The following PCDH15 variants were observed in gnomAD, a reference collection of about 807,000 sequenced individuals.
PCDH15 encodes protocadherin-15.
PCDH15 carries 129 observed loss-of-function variants against 178.5 expected under a neutral mutation model. That is an observed-to-expected ratio of 0.72 (90% CI 0.63 to 0.84). The LOEUF is 0.84. PCDH15 is among the 40% of genes least tolerant of loss of function. PCDH15 has a pLI of 0.00. For synonymous variants in PCDH15, 800 were observed against 732.0 expected, an observed-to-expected ratio of 1.09 and a Z score of -1.50; for missense variants, 2,230 against 2,099.9, an observed-to-expected ratio of 1.06 and a Z score of -1.21.
At chr10:55,163,178 T>A (rs1179597568) in intron 2 of PCDH15, among the ~76,000 whole-genome samples, 1 of 152,108 alleles carries the variant, frequency 6.6e-6, no homozygotes, top group Non-Finnish European at 1.5e-5. Flanking sequence ...GAGGCTGATC[T>A]GAGTAGTAAT....
At chr10:54,166,772 G>A (rs2046275462) in intron 13 of PCDH15, among the ~76,000 whole-genome samples, 1 of 152,126 alleles carries the variant, frequency 6.6e-6, no homozygotes, top group Admixed American at 6.6e-5. Flanking sequence ...CACAAAAGAA[G>A]TGAATATGCC....
At chr10:54,819,454 AT>A (rs981706835) in intron 3 of PCDH15, among the ~76,000 whole-genome samples, 7 of 151,754 alleles carry the variant, frequency 4.6e-5, no homozygotes, top group East Asian at 1.9e-4. Flanking sequence ...AACAGAGCTT[AT>A]TTTTTCTAAT....
At chr10:53,996,453 T>C (rs1169250064) in intron 20 of PCDH15, among the ~76,000 whole-genome samples, 5 of 152,136 alleles carry the variant, frequency 3.3e-5, no homozygotes, top group Non-Finnish European at 1.5e-5. Flanking sequence ...AATAAATAGT[T>C]ATCAGGTATT....
intron 2 of PCDH15, among the ~76,000 whole-genome samples, chr10:55,358,173 C>G (rs547592365): frequency 6.6e-6 from 1 of 152,186 alleles, no homozygotes; most frequent in South Asian, 2.1e-4. Context: ...CTGAACACTT[C>G]TTTCACTCCT....
At chr10:54,981,122 A>G (rs1016844281) in intron 2 of PCDH15, among the ~76,000 whole-genome samples, 1 of 152,142 alleles carries the variant, frequency 6.6e-6, no homozygotes, top group Admixed American at 6.6e-5. Flanking sequence ...ATTCTCCTCA[A>G]TGGGGAACAC....
chr10:55,257,572 G>A lies in PCDH15; in HGVS notation c.-156+62027C>T, dbSNP rs537717818. 5.9e-5 allele frequency among the ~76,000 whole-genome samples: 9 copies of A among 152,248 alleles called. No individual in the cohort carries two copies. In the South Asian group the frequency reaches 1.4e-3, roughly 25 times the overall value. Reference sequence around the variant, plus strand: ...AACTACGGCACGAGAACTACCTGACGAATACACAAGCCTCAGTAGCTGATT... The same window carrying A: ...AACTACGGCACGAGAACTACCTGACAAATACACAAGCCTCAGTAGCTGATT... On this transcript the variant is annotated intron_variant, in intron 1 of 5. Transcript: ENST00000458638.
chr10:53,878,181 GCACACACACACA>G (rs71004486), intron 26 of PCDH15, among the ~76,000 whole-genome samples: 1 of 124,926 alleles, frequency 8.0e-6, no homozygotes, highest in Non-Finnish European at 1.6e-5. Context: ...CTATACTATG[GCACACACACACA>G]CACACACACA....
At chr10:54,298,984 C>G (rs1010779558) in intron 8 of PCDH15, among the ~76,000 whole-genome samples, 7 of 152,166 alleles carry the variant, frequency 4.6e-5, no homozygotes, top group African/African-American at 1.7e-4. Context: ...CTGGGGGAAC[C>G]CCCATTAAAT....
intron 3 of PCDH15, among the ~76,000 whole-genome samples, chr10:54,521,209 T>G (rs1468891251): frequency 6.6e-6 from 1 of 151,920 alleles, no homozygotes; most frequent in Non-Finnish European, 1.5e-5. Context: ...ACTTAAAGCA[T>G]AATAATAATA....
chr10:54,062,470 T>A (rs1021733815), intron 18 of PCDH15, among the ~76,000 whole-genome samples: 2 of 151,994 alleles, frequency 1.3e-5, no homozygotes, highest in Non-Finnish European at 2.9e-5. Flanking sequence ...AATTAATATA[T>A]GATATAATTA....
At chr10:53,911,357 C>G (rs1455369000) in intron 25 of PCDH15, among the ~76,000 whole-genome samples, 1 of 152,162 alleles carries the variant, frequency 6.6e-6, no homozygotes, top group Non-Finnish European at 1.5e-5. Flanking sequence ...TCCTGAACGA[C>G]TACTGGGTAA....
At chr10:54,774,830 C>T (rs975435025) in intron 1 of PCDH15, among the ~76,000 whole-genome samples, 23 of 152,206 alleles carry the variant, frequency 1.5e-4, no homozygotes, top group Non-Finnish European at 2.6e-4. Context: ...CAGTACCTGA[C>T]ATTTACTCCT....
Position 55,416,560 on chromosome 10 carries a change from G to A in PCDH15, c.-156+211065C>T, listed in dbSNP as rs549189805. ...TTCAGGGCTAAGGGGTGGGTATCAG[G>A]GGAATCATCAAACTTGAGGAAAAAG... On this transcript the variant is annotated intron_variant, in intron 2 of 5. Coordinates refer to the PCDH15 transcript ENST00000613346. Among the ~76,000 whole-genome samples the A allele has an allele frequency of 3.4e-4, 51 of 151,640 alleles. 1 individual carries two copies. Among genetic ancestry groups the A allele is most frequent in the African/African-American group, 1.2e-3 (48 of 41,436 alleles).
chr10:55,190,317 G>A (rs1839914537), intron 1 of PCDH15, among the ~76,000 whole-genome samples: 1 of 151,474 alleles, frequency 6.6e-6, no homozygotes, highest in Non-Finnish European at 1.5e-5. Context: ...TCCCAGTAGT[G>A]TTTATTGGAG....
intron 4 of PCDH15, among the ~76,000 whole-genome samples, chr10:54,377,628 G>A (rs150229738): frequency 6.6e-6 from 1 of 152,178 alleles, no homozygotes; most frequent in East Asian, 1.9e-4. Context: ...ATTGTAAAGT[G>A]GATCATAAAC....
At chr10:54,794,141 T>C (rs1291401086) in intron 1 of PCDH15, among the ~76,000 whole-genome samples, 1 of 147,652 alleles carries the variant, frequency 6.8e-6, no homozygotes, top group Non-Finnish European at 1.5e-5. Flanking sequence ...ATATATATCT[T>C]ATATATATCT....
chr10:54,806,349 A>T (rs1322289546), intron 3 of PCDH15, among the ~76,000 whole-genome samples: 1 of 152,142 alleles, frequency 6.6e-6, no homozygotes, highest in Admixed American at 6.5e-5. Context: ...AGAGGTCCAG[A>T]TCAGGGTCTC....
intron 16 of PCDH15, among the ~76,000 whole-genome samples, chr10:54,086,994 T>C (rs148546463): frequency 6.6e-6 from 1 of 152,300 alleles, no homozygotes; most frequent in African/African-American, 2.4e-5. Flanking sequence ...GATAATTTAT[T>C]TGGCAAAACT....
At chr10:54,928,394 G>C (rs571704993) in intron 2 of PCDH15, among the ~76,000 whole-genome samples, 1 of 152,094 alleles carries the variant, frequency 6.6e-6, no homozygotes, top group Admixed American at 6.5e-5. Context: ...TTCAACCTTG[G>C]AGAATCTGAT....
Sources: gnomAD v4.1 joint callset for allele counts (sites outside exome capture counted in the v4.1 genomes callset) on GRCh38, gnomAD v4.1.1 for gene constraint, MANE v1.5 for transcripts, NCBI Gene and HGNC (gene_info 2026-07-23, HGNC 2026-07-21) for gene names.